The following DEPTOR variants were observed in gnomAD, a reference collection of about 807,000 sequenced individuals.
DEPTOR encodes the protein DEP domain-containing mTOR-interacting protein.
DEPTOR carries 41 observed loss-of-function variants against 41.6 expected under a neutral mutation model. The ratio of observed to expected loss-of-function variants is 0.98; its 90% CI spans 0.77 to 1.28. DEPTOR has a LOEUF of 1.28. Ranked by LOEUF, DEPTOR falls within the 50% of genes most tolerant of loss-of-function variation. The pLI, the probability that DEPTOR is intolerant of heterozygous loss-of-function variation, is 0.00. For missense variants in DEPTOR, 514 were observed against 527.9 expected, an observed-to-expected ratio of 0.97 and a Z score of 0.26; for synonymous variants, 195 against 192.3, an observed-to-expected ratio of 1.01 and a Z score of -0.12.
At chr8:120,038,268 CAAA>C (rs71771968) in intron 8 of DEPTOR, among the ~76,000 whole-genome samples, 2 of 116,628 alleles carry the variant, frequency 1.7e-5, no homozygotes, top group Admixed American at 9.8e-5. Context: ...GAGTCTGTCT[CAAA>C]AAAAAAAAAA....
intron 4 of DEPTOR, among the ~76,000 whole-genome samples, chr8:119,990,939 C>G (rs538129345): frequency 2.3e-3 from 347 of 152,216 alleles, no homozygotes; most frequent in African/African-American, 7.9e-3. Flanking sequence ...AGGACTTTTG[C>G]TGCTTTAGGA....
intron 1 of DEPTOR, among the ~76,000 whole-genome samples, chr8:119,886,728 C>CTT (rs200388547): frequency 0.019 from 2,822 of 152,228 alleles, 84 homozygotes; most frequent in African/African-American, 0.063. Flanking sequence ...AAAAGACAAT[C>CTT]TTATTTCTTT....
chr8:119,980,151 T>G (rs1457668858), intron 4 of DEPTOR, among the ~76,000 whole-genome samples: 2 of 145,664 alleles, frequency 1.4e-5, no homozygotes, highest in Admixed American at 1.4e-4. Context: ...AATTTTCTAG[T>G]AGAAATAGCA....
intron 5 of DEPTOR, among the ~76,000 whole-genome samples, chr8:120,001,946 C>G (rs542489030): frequency 1.3e-5 from 2 of 152,032 alleles, no homozygotes; most frequent in East Asian, 1.9e-4. Context: ...CCTCTAGGCT[C>G]TCACTCAAAC....
At chr8:120,024,328 A>G (rs770272920) in intron 8 of DEPTOR, among the ~76,000 whole-genome samples, 1 of 152,140 alleles carries the variant, frequency 6.6e-6, no homozygotes, top group South Asian at 2.1e-4. Context: ...ATAACCACAC[A>G]TGGGTGTACT....
intron 1 of DEPTOR, among the ~76,000 whole-genome samples, chr8:119,925,905 G>A (rs1255498341): frequency 6.6e-5 from 10 of 152,178 alleles, no homozygotes; most frequent in African/African-American, 2.4e-4. Flanking sequence ...GATTACAGGC[G>A]TGAGCCACCA....
At chr8:119,887,520 G>A (rs1827388403) in intron 1 of DEPTOR, among the ~76,000 whole-genome samples, 2 of 107,612 alleles carry the variant, frequency 1.9e-5, no homozygotes, top group South Asian at 7.2e-4. Context: ...CTTCTTTCTG[G>A]AGTTGTACTC....
chr8:119,989,640 A>G (rs1812119085), intron 4 of DEPTOR, among the ~76,000 whole-genome samples: 1 of 152,250 alleles, frequency 6.6e-6, no homozygotes, highest in African/African-American at 2.4e-5. Flanking sequence ...TAACTCTCTC[A>G]TAGTACTGTT....
chr8:119,916,284 T>G lies in DEPTOR; in HGVS notation c.123-12116T>G, dbSNP rs1203394268. Reference sequence around the variant, plus strand: ...TAGGCTAATTTTTTTTTTTTTTTTTTTTTTTTTTTTTTTTTTTTAGAAATG... The same window carrying G: ...TAGGCTAATTTTTTTTTTTTTTTTTGTTTTTTTTTTTTTTTTTTAGAAATG... On this transcript the variant is annotated intron_variant, in intron 1 of 8. Coordinates refer to ENST00000286234, the MANE Select transcript of DEPTOR (RefSeq NM_022783.4). Among the ~76,000 whole-genome samples the G allele has an allele frequency of 9.5e-4, 141 of 148,822 alleles. 2 individuals are homozygous for G. The highest frequency in any genetic ancestry group is 6.5e-4 in the Non-Finnish European group (44 of 67,272).
chr8:120,001,440 C>T, intron 4 of DEPTOR, 85 bp from the exon 5 acceptor site: 1 of 1,235,506 alleles, frequency 8.1e-7, no homozygotes, highest in Non-Finnish European at 1.1e-6. Flanking sequence ...ACTTTTGCCG[C>T]TGTTGCCTGC....
At chr8:119,994,710 GT>G (rs1812230141) in intron 4 of DEPTOR, among the ~76,000 whole-genome samples, 2 of 152,124 alleles carry the variant, frequency 1.3e-5, no homozygotes, top group Admixed American at 6.6e-5. Flanking sequence ...GAGGTCAGGA[GT>G]TTAAGACCAG....
intron 1 of DEPTOR, among the ~76,000 whole-genome samples, chr8:119,901,194 T>C (rs1827585372): frequency 6.6e-6 from 1 of 152,214 alleles, no homozygotes; most frequent in Admixed American, 6.5e-5. Context: ...TGCAATTCTC[T>C]CATGAGCCAT....
chr8:119,928,483 T>G lies in DEPTOR; in HGVS notation c.206T>G (p.Leu69Arg). The G allele has an allele frequency of 6.2e-7, 1 of 1,614,200 alleles. No homozygotes were observed. The highest frequency in any genetic ancestry group is 1.7e-5 in the Admixed American group (1 of 60,030). The stretch of plus-strand genomic sequence containing the variant: ...CCAAACTGTTTTGTCGCAAAAGAAC[T>G]GATTGACTGGCTGATTGAACACAAA... ...TYPNCFVAKE[L>R]IDWLIEHKEA... Residue 69 changes from leucine (L) to arginine (R), a missense_variant, in exon 2 of 9, where the codon CTG (leucine) becomes CGG (arginine). Leu to Arg is a moderately radical substitution (Grantham distance 102, BLOSUM62 -2). Transcript: ENST00000286234.
intron 4 of DEPTOR, among the ~76,000 whole-genome samples, chr8:119,981,088 T>A (rs1349701256): frequency 6.6e-6 from 1 of 152,192 alleles, no homozygotes; most frequent in South Asian, 2.1e-4. Context: ...AAAATAGAAC[T>A]ATAGTGTCTG....
chr8:119,972,331 A>G (rs966773760), intron 4 of DEPTOR, among the ~76,000 whole-genome samples: 6 of 152,170 alleles, frequency 3.9e-5, no homozygotes, highest in African/African-American at 1.4e-4. Context: ...AGGTTAAGTA[A>G]CATGCTGAAG....
chr8:120,005,749 G>A (rs1255537239), intron 6 of DEPTOR, among the ~76,000 whole-genome samples: 1 of 152,188 alleles, frequency 6.6e-6, no homozygotes, highest in African/African-American at 2.4e-5. Flanking sequence ...AGCACAGGAT[G>A]GATGGGGGGG....
At chr8:119,997,842 G>A (rs1812293228) in intron 4 of DEPTOR, among the ~76,000 whole-genome samples, 1 of 152,180 alleles carries the variant, frequency 6.6e-6, no homozygotes, top group Non-Finnish European at 1.5e-5. Context: ...AAATAGAAAA[G>A]AGACTGTTGA....
chr8:120,013,747 A>G (rs1812567105), intron 8 of DEPTOR, among the ~76,000 whole-genome samples: 1 of 150,478 alleles, frequency 6.6e-6, no homozygotes, highest in African/African-American at 2.5e-5. Context: ...CAGGGTTCTC[A>G]TTTTCCCCAG....
chr8:119,887,465 T>C (rs1346145775), intron 1 of DEPTOR, among the ~76,000 whole-genome samples: 2 of 13,124 alleles, frequency 1.5e-4, no homozygotes, highest in Non-Finnish European at 2.5e-4. Flanking sequence ...CCCCCTCCCC[T>C]CCCCTCCCCT....
Sources: allele counts gnomAD v4.1 joint callset (sites outside exome capture counted in the v4.1 genomes callset), GRCh38; gene constraint gnomAD v4.1.1; transcripts MANE v1.5; gene names NCBI Gene and HGNC (gene_info 2026-07-23, HGNC 2026-07-21).